Variants in EHMT1 observed in about 807,000 individuals in gnomAD.
EHMT1 encodes the protein histone-lysine N-methyltransferase EHMT1.
Under a neutral mutation model 147.2 loss-of-function variants are expected in EHMT1, and 15 were observed. That is an observed-to-expected ratio of 0.10 (90% CI 0.07 to 0.16). EHMT1 has a LOEUF of 0.16. Ranked by LOEUF, EHMT1 falls within the 10% of genes least tolerant of loss-of-function variation. The probability of loss-of-function intolerance (pLI) is 1.00; values close to 1 mark genes in which losing one functional copy is unlikely to be tolerated. For missense variants in EHMT1, 1,587 were observed against 1,772.4 expected, an observed-to-expected ratio of 0.90 and a Z score of 1.88; for synonymous variants, 795 against 709.6, an observed-to-expected ratio of 1.12 and a Z score of -1.91.
At chr9:137,641,412 T>G (rs761960420) in intron 1 of EHMT1, 2 of 535,802 alleles carry the variant, frequency 3.7e-6, no homozygotes, top group Non-Finnish European at 7.5e-6. Context: ...ATCTTCAAAT[T>G]CTGTCACTTC....
chr9:137,821,318 C>CTTTTTTT (rs778919891), intron 25 of EHMT1, among the ~76,000 whole-genome samples: 8 of 63,982 alleles, frequency 1.3e-4, no homozygotes, highest in South Asian at 8.7e-4. Context: ...TGCGCCCGGC[C>CTTTTTTT]TTTTTTTTTT....
At chr9:137,630,848 A>C (rs1843579513) in intron 1 of EHMT1, among the ~76,000 whole-genome samples, 1 of 152,168 alleles carries the variant, frequency 6.6e-6, no homozygotes, top group South Asian at 2.1e-4. Flanking sequence ...CTGGAGAGGC[A>C]GGGCAAGGTT....
At chr9:137,641,503 T>C (rs962585936) in intron 1 of EHMT1, 3 of 411,586 alleles carry the variant, frequency 7.3e-6, no homozygotes, top group African/African-American at 4.3e-5. Flanking sequence ...CAAATGTTAT[T>C]ACCCAGAAAT....
intron 1 of EHMT1, among the ~76,000 whole-genome samples, chr9:137,670,148 C>G (rs752940592): frequency 6.6e-6 from 1 of 152,228 alleles, no homozygotes; most frequent in Non-Finnish European, 1.5e-5. Flanking sequence ...GCGTGAGCCA[C>G]CGCGCCTGGG....
At chr9:137,677,598 T>C (rs2134440648) in intron 1 of EHMT1, among the ~76,000 whole-genome samples, 1 of 152,120 alleles carries the variant, frequency 6.6e-6, no homozygotes, top group East Asian at 1.9e-4. Flanking sequence ...GCTAAGTTTT[T>C]CTATTTTTAG....
chr9:137,714,429 T>G (rs1015482744), intron 2 of EHMT1, among the ~76,000 whole-genome samples: 1 of 152,170 alleles, frequency 6.6e-6, no homozygotes, highest in African/African-American at 2.4e-5. Context: ...TTTGGCATAT[T>G]AATTCATTTT....
At position 137,834,942 on chromosome 9, in the gene EHMT1, G is replaced by A; in HGVS notation, c.3886G>A (p.Asp1296Asn). The change falls in exon 27 of 27, where the codon GAC becomes AAC. Residue 1296 changes from aspartate to asparagine, a missense_variant. Asp to Asn is a conservative substitution (Grantham distance 23). This residue lies in a region of EHMT1 where 141 missense variants were observed against 150.8 expected (regional missense o/e 0.94). Coordinates refer to ENST00000460843, the MANE Select transcript of EHMT1 (RefSeq NM_024757.5). ...CGACACCAGCTCCGCGGCTGCCGCC[G>A]ACCCCCTATGAGACGCCGCCGGCCA... ...LPDTSSAAAA[D>N]PL 1.3e-6 allele frequency: 2 copies of A among 1,497,244 alleles called. No homozygotes were observed. The highest frequency in any genetic ancestry group is 1.8e-6 in the Non-Finnish European group (2 of 1,129,864). 92.7% of individuals were successfully genotyped at this position (1,497,244 alleles called of 1,614,324 possible).
At chr9:137,672,525 A>G (rs1004992543) in intron 1 of EHMT1, among the ~76,000 whole-genome samples, 1 of 152,248 alleles carries the variant, frequency 6.6e-6, no homozygotes, top group African/African-American at 2.4e-5. Context: ...CTCGTGGACA[A>G]AATCCCTTTG....
Position 137,835,047 on chromosome 9 carries a change from G to T in EHMT1, c.*94G>T. On this transcript the variant is annotated 3_prime_UTR_variant, in exon 27 of 27. Transcript: ENST00000460843. ...AGAGATTCCGCACGCAACCGAAAGGGTCCTTCGGGGCTGCGCCGCCGGCTT... is the reference window on the plus strand; with the variant it reads ...AGAGATTCCGCACGCAACCGAAAGGTTCCTTCGGGGCTGCGCCGCCGGCTT... The T allele has an allele frequency of 2.3e-6, 3 of 1,303,574 alleles. No individual in the cohort carries two copies. Among genetic ancestry groups the T allele is most frequent in the Non-Finnish European group, 2.9e-6 (3 of 1,020,340 alleles). The allele number at this position is 1,303,574 out of a possible 1,614,324, so 80.8% of individuals were successfully genotyped here.
At chr9:137,783,916 C>T (rs1430617254) in intron 15 of EHMT1, among the ~76,000 whole-genome samples, 1 of 152,184 alleles carries the variant, frequency 6.6e-6, no homozygotes, top group East Asian at 1.9e-4. Context: ...GTATTTTAAA[C>T]GTAGAACTTG....
chr9:137,690,506 C>CAA (rs34887611), intron 1 of EHMT1, among the ~76,000 whole-genome samples: 2,696 of 91,098 alleles, frequency 0.03, 85 homozygotes, highest in African/African-American at 0.097. Flanking sequence ...GACCCTGTCT[C>CAA]AAAAAAAAAA....
chr9:137,637,482 A>AT (rs1844171259), intron 1 of EHMT1: 1 of 151,894 alleles, frequency 6.6e-6, no homozygotes, highest in Admixed American at 6.6e-5. Context: ...GCCTAAAAAA[A>AT]TTTTTTAATT....
At chr9:137,817,828 G>C in intron 24 of EHMT1, 1 of 624,532 alleles carries the variant, frequency 1.6e-6, no homozygotes. Context: ...GACCATTCTG[G>C]GTTCTCAGGT....
At chr9:137,710,663 A>G (rs769545224) in intron 1 of EHMT1, among the ~76,000 whole-genome samples, 11 of 152,086 alleles carry the variant, frequency 7.2e-5, no homozygotes, top group Non-Finnish European at 1.5e-4. Context: ...AAATTGTAAC[A>G]CTCCTGTAAC....
At chr9:137,745,827 C>T in intron 6 of EHMT1, 1 of 311,302 alleles carries the variant, frequency 3.2e-6, no homozygotes, top group Non-Finnish European at 5.8e-6. Flanking sequence ...CTGACTGTAT[C>T]CTTCCACCTG....
intron 1 of EHMT1, among the ~76,000 whole-genome samples, chr9:137,677,470 T>C (rs918670215): frequency 2.0e-5 from 3 of 152,032 alleles, no homozygotes; most frequent in East Asian, 3.9e-4. Context: ...TTCTTTGAGA[T>C]GGAGTCTCCC....
intron 7 of EHMT1, among the ~76,000 whole-genome samples, chr9:137,753,559 G>T (rs35528310): frequency 0.12 from 18,018 of 152,236 alleles, 1,447 homozygotes; most frequent in Non-Finnish European, 0.18. Flanking sequence ...CGAGGCCCAC[G>T]TGCTGCTGCT....
chr9:137,647,659 A>G lies in EHMT1; in HGVS notation c.21+28610A>G, dbSNP rs141580998. Reference sequence around the variant, plus strand: ...ACCCAGGCTGGAGTGCAGTGGTGCAATCTTGGCTTACTGAAACCTCCGCCT... The same window carrying G: ...ACCCAGGCTGGAGTGCAGTGGTGCAGTCTTGGCTTACTGAAACCTCCGCCT... On this transcript the variant is annotated intron_variant, in intron 1 of 26. Transcript: ENST00000460843. Among the ~76,000 whole-genome samples, 682 of 149,758 alleles carry G rather than the reference A, an allele frequency of 4.6e-3. 6 individuals are homozygous for G. The highest frequency in any genetic ancestry group is 7.4e-3 in the Admixed American group (111 of 15,008).
chr9:137,654,140 G>C (rs752170806), intron 1 of EHMT1, among the ~76,000 whole-genome samples: 13 of 152,136 alleles, frequency 8.5e-5, no homozygotes, highest in Non-Finnish European at 1.5e-4. Flanking sequence ...CCAGCACTTT[G>C]GGAGGCTGAG....
Sources: gnomAD v4.1 joint callset for allele counts (sites outside exome capture counted in the v4.1 genomes callset) on GRCh38, gnomAD v4.1.1 for gene constraint, gnomAD v4.1.1 regional missense constraint, MANE v1.5 for transcripts, NCBI Gene and HGNC (gene_info 2026-07-23, HGNC 2026-07-21) for gene names.